Variants in PIK3AP1 observed in about 807,000 individuals in gnomAD.
PIK3AP1 encodes phosphoinositide 3-kinase adapter protein 1.
PIK3AP1 carries 21 observed loss-of-function variants against 88.1 expected under a neutral mutation model. The ratio of observed to expected loss-of-function variants is 0.24; its 90% CI spans 0.17 to 0.34. PIK3AP1 has a LOEUF of 0.34. PIK3AP1 is among the 10% of genes least tolerant of loss of function. PIK3AP1 has a pLI of 1.00. For missense variants in PIK3AP1, 828 were observed against 1,035.7 expected, an observed-to-expected ratio of 0.80 and a Z score of 2.75; for synonymous variants, 398 against 400.0, an observed-to-expected ratio of 1.00 and a Z score of 0.06.
chr10:96,662,937 T>C (rs1451361012), intron 2 of PIK3AP1, among the ~76,000 whole-genome samples: 1 of 101,210 alleles, frequency 9.9e-6, no homozygotes, highest in Non-Finnish European at 2.1e-5. Flanking sequence ...TCCATCTCAA[T>C]AAATAAGTAA....
Position 96,720,256 on chromosome 10 carries a change from C to A in PIK3AP1, c.13+126G>T. 2 of 969,366 alleles carry A rather than the reference C, an allele frequency of 2.1e-6. No homozygotes were observed. Among genetic ancestry groups the A allele is most frequent in the Non-Finnish European group, 1.3e-6 (1 of 746,640 alleles). The allele number at this position is 969,366 out of a possible 1,614,324, so 60.0% of individuals were successfully genotyped here. On this transcript the variant is annotated intron_variant, in intron 1 of 16. Coordinates refer to ENST00000339364, the MANE Select transcript of PIK3AP1 (RefSeq NM_152309.3). This position sits in a 1 kb window ranked among gnomAD's most constrained non-coding sequence, Gnocchi z 4.6. ...TTGCGACAGGGAACATAGAAAAGAG[C>A]AGAAAGAGGGCAAGATCCCCGCACA...
chr10:96,692,496 C>A (rs1844166495), intron 2 of PIK3AP1, among the ~76,000 whole-genome samples: 2 of 151,966 alleles, frequency 1.3e-5, no homozygotes. Context: ...ATCGCTTGAA[C>A]CAGGGAGCTG....
chr10:96,656,787 G>A lies in PIK3AP1; in HGVS notation c.567+11C>T, dbSNP rs1414256000. The A allele has an allele frequency of 6.2e-7, 1 of 1,613,468 alleles. No individual in the cohort carries two copies. The highest frequency in any genetic ancestry group is 2.2e-5 in the East Asian group (1 of 44,868). On this transcript the variant is annotated intron_variant, in intron 3 of 16. Transcript: ENST00000339364. ...CTGACATCCAGCTACCAGGCCCCCAGCAGTGCCTACCCCACAGCGAATGCG... is the reference window on the plus strand; with the variant it reads ...CTGACATCCAGCTACCAGGCCCCCAACAGTGCCTACCCCACAGCGAATGCG...
chr10:96,618,530 T>C (rs536625729), intron 12 of PIK3AP1: 1 of 152,378 alleles, frequency 6.6e-6, no homozygotes, highest in South Asian at 2.1e-4. Context: ...TTTATATTTG[T>C]ATTAATTGCT....
rs1393238898 is a variant in PIK3AP1 at position 96,709,987 on chromosome 10, G to A, written c.14-4C>T. ...ATGTCGCATCCTCTGGGCACCCCTG[G>A]ACAAGAATGAGGCACAGAAGCATGT... On this transcript the variant is annotated splice_region_variant and splice_polypyrimidine_tract_variant and intron_variant, in intron 1 of 16. Coordinates refer to ENST00000339364, the MANE Select transcript of PIK3AP1 (RefSeq NM_152309.3). 1 of 1,573,152 alleles carries A rather than the reference G, an allele frequency of 6.4e-7. No homozygotes were observed. The highest frequency in any genetic ancestry group is 2.3e-5 in the East Asian group (1 of 44,182).
intron 2 of PIK3AP1, among the ~76,000 whole-genome samples, chr10:96,663,698 A>C (rs1483283045): frequency 3.3e-5 from 5 of 151,928 alleles, no homozygotes; most frequent in African/African-American, 1.2e-4. Context: ...ATTTGAAGTA[A>C]AAATGATAAG....
intron 13 of PIK3AP1, among the ~76,000 whole-genome samples, chr10:96,615,194 G>C (rs973724476): frequency 6.6e-6 from 1 of 152,192 alleles, no homozygotes; most frequent in Non-Finnish European, 1.5e-5. Context: ...AGGGACTGCA[G>C]CACAGGGTTT....
intron 2 of PIK3AP1, among the ~76,000 whole-genome samples, chr10:96,680,639 T>C (rs1843987073): frequency 6.6e-6 from 1 of 152,232 alleles, no homozygotes; most frequent in African/African-American, 2.4e-5. Context: ...GGACATGATC[T>C]CATTCTTTTT....
At chr10:96,610,209 C>T (rs1849083906) in intron 13 of PIK3AP1, among the ~76,000 whole-genome samples, 1 of 152,186 alleles carries the variant, frequency 6.6e-6, no homozygotes, top group Non-Finnish European at 1.5e-5. Flanking sequence ...ATCTGTGGAA[C>T]TCCAGCAAGA....
rs547443412 is a variant in PIK3AP1, at chr10:96,682,687, A to G, written c.431-25753T>C. 6.6e-5 allele frequency among the ~76,000 whole-genome samples: 10 copies of G among 152,230 alleles called. No individual in the cohort carries two copies. The East Asian group carries it at 9.6e-4, about 15-fold the overall frequency. On this transcript the variant is annotated intron_variant, in intron 2 of 16. Coordinates refer to ENST00000339364, the MANE Select transcript of PIK3AP1 (RefSeq NM_152309.3). ...ATAGATGCTTTTTAGCCACTTCACC[A>G]ACTGACCCCAAGCCTCACCTCTGGT...
intron 2 of PIK3AP1, among the ~76,000 whole-genome samples, chr10:96,663,627 CAAAAAAA>C (rs373081849): frequency 0.1 from 4,422 of 42,990 alleles, 70 homozygotes; most frequent in South Asian, 0.19. Context: ...GAGACTCCGT[CAAAAAAA>C]AAAAAAAAAA....
chr10:96,676,308 CTT>C (rs147680543), intron 2 of PIK3AP1, among the ~76,000 whole-genome samples: 100 of 126,552 alleles, frequency 7.9e-4, no homozygotes, highest in Admixed American at 1.3e-3. Context: ...TGTGACCTTG[CTT>C]TTTTTTTTTT....
chr10:96,673,047 A>C (rs1190254746), intron 2 of PIK3AP1, among the ~76,000 whole-genome samples: 1 of 152,216 alleles, frequency 6.6e-6, no homozygotes, highest in Non-Finnish European at 1.5e-5. Flanking sequence ...CAGAATTCAA[A>C]GCTCCCAACT....
Position 96,603,206 on chromosome 10 carries a change from G to A in PIK3AP1, c.2241+773C>T, listed in dbSNP as rs567807658. Reference sequence around the variant, plus strand: ...AACATAAACTTAACCATTTTAAAGTGGACAATTCAGTGGCATTGAGTGTAT... The same window carrying A: ...AACATAAACTTAACCATTTTAAAGTAGACAATTCAGTGGCATTGAGTGTAT... On this transcript the variant is annotated intron_variant, in intron 15 of 16. Transcript: ENST00000339364. Among the ~76,000 whole-genome samples the A allele has an allele frequency of 6.6e-5, 10 of 152,282 alleles. No homozygotes were observed. The South Asian group carries it at 1.9e-3, about 28-fold the overall frequency.
intron 2 of PIK3AP1, among the ~76,000 whole-genome samples, chr10:96,660,937 C>A (rs1009862767): frequency 5.9e-5 from 9 of 152,168 alleles, no homozygotes; most frequent in African/African-American, 1.7e-4. Context: ...GTAATCCCAG[C>A]ACTTTGGGAG....
chr10:96,608,579 G>A (rs181039080), intron 14 of PIK3AP1, among the ~76,000 whole-genome samples: 21 of 152,244 alleles, frequency 1.4e-4, no homozygotes, highest in African/African-American at 4.1e-4. Flanking sequence ...CTCTCTTTCC[G>A]GGTCACAAAT....
rs538419209 is a variant in PIK3AP1, at chr10:96,669,110, T to C, written c.431-12176A>G. ...TAGAACCACTGCACTCCAGCCTGGG[T>C]GACAGAATGAGACTCCATCTCAAAA... is the stretch of plus-strand genomic sequence containing the variant. On this transcript the variant is annotated intron_variant, in intron 2 of 16. Transcript: ENST00000339364. 1.3e-3 allele frequency among the ~76,000 whole-genome samples: 205 copies of C among 151,968 alleles called. 1 individual carries two copies. The highest frequency in any genetic ancestry group is 4.9e-3 in the African/African-American group (202 of 41,434).
intron 2 of PIK3AP1, among the ~76,000 whole-genome samples, chr10:96,677,252 A>G (rs1037554687): frequency 1.4e-4 from 21 of 151,832 alleles, no homozygotes; most frequent in African/African-American, 5.1e-4. Context: ...TCAACACAAC[A>G]CCTTCTTTTG....
rs1843447916 is a variant in PIK3AP1, at chr10:96,645,577, T to A, written c.1271A>T (p.His424Leu). Residue 424 changes from histidine to leucine, a missense_variant, in exon 8 of 17, where the codon CAC becomes CTC. Physicochemically the swap from His to Leu is moderately conservative, Grantham distance 99 (BLOSUM62 -3). Around this residue, in one of 3 missense-constraint regions of PIK3AP1, gnomAD observed 610 missense variants for 760.1 expected, o/e 0.80. Transcript: ENST00000339364. ...TTTCATAAGCAGGTCTGTGGAAAGG[T>A]GGGCCATGGACTCGTACACAGCATC... ...EADAVYESMA[H>L]LSTDLLMKCS... is the part of the protein sequence containing the mutation. 1 of 1,613,762 alleles carries A rather than the reference T, an allele frequency of 6.2e-7. No individual in the cohort carries two copies. The highest frequency in any genetic ancestry group is 8.5e-7 in the Non-Finnish European group (1 of 1,179,926).
Sources: allele counts gnomAD v4.1 joint callset (sites outside exome capture counted in the v4.1 genomes callset), GRCh38; gene constraint gnomAD v4.1.1; regional missense constraint gnomAD v4.1.1; non-coding constraint Gnocchi (gnomAD v3.1); transcripts MANE v1.5; gene names NCBI Gene and HGNC (gene_info 2026-07-23, HGNC 2026-07-21).